Variants in ADARB1 observed in about 807,000 individuals in gnomAD.
ADARB1 encodes the protein double-stranded RNA-specific editase 1.
Under a neutral mutation model 52.4 loss-of-function variants are expected in ADARB1, and 10 were observed. The ratio of observed to expected loss-of-function variants is 0.19; its 90% CI spans 0.12 to 0.32. The LOEUF (loss-of-function observed/expected upper bound fraction) is 0.32. Among genes scored for constraint, ADARB1 ranks in the 10% least tolerant of loss-of-function variants. The pLI is 1.00. For missense variants in ADARB1, 643 were observed against 922.3 expected, an observed-to-expected ratio of 0.70 and a Z score of 3.92; for synonymous variants, 349 against 371.1, an observed-to-expected ratio of 0.94 and a Z score of 0.68.
intron 2 of ADARB1, chr21:45,146,271 C>T (rs1162484033): frequency 6.6e-6 from 1 of 152,334 alleles, no homozygotes; most frequent in East Asian, 1.9e-4. Flanking sequence ...CAAGTTGTTT[C>T]TTGAATATAC....
At chr21:45,209,183 T>A (rs937590825) in intron 9 of ADARB1, among the ~76,000 whole-genome samples, 5 of 152,226 alleles carry the variant, frequency 3.3e-5, no homozygotes, top group Non-Finnish European at 5.9e-5. Context: ...CCCATCCTCA[T>A]CTTCCTAGAT....
chr21:45,195,366 T>C (rs903688373), intron 8 of ADARB1, among the ~76,000 whole-genome samples: 4 of 152,226 alleles, frequency 2.6e-5, no homozygotes, highest in African/African-American at 9.6e-5. Flanking sequence ...GGCTTGTCTT[T>C]TCACTCCCTT....
intron 9 of ADARB1, among the ~76,000 whole-genome samples, chr21:45,210,729 C>T (rs941083775): frequency 6.6e-6 from 1 of 152,256 alleles, no homozygotes; most frequent in Non-Finnish European, 1.5e-5. Flanking sequence ...AGCTTGAACC[C>T]ACATCCCACC....
rs2093004339 is a variant in ADARB1, at chr21:45,223,655, G to A, written c.*1458G>A. 1 of 985,610 alleles carries A rather than the reference G, an allele frequency of 1.0e-6. No homozygotes were observed. Among genetic ancestry groups the A allele is most frequent in the South Asian group, 4.7e-5 (1 of 21,284 alleles). The allele number at this position is 985,610 out of a possible 1,614,324, so 61.1% of individuals were successfully genotyped here. A position where few individuals can be genotyped will look rare whatever the true frequency, so the allele number is the denominator to read the frequency against. ...ATACACCTGCCACAGCGAAATCCAG[G>A]GTGTTGGCACCTGTGTGTCCGTGAT... On this transcript the variant is annotated 3_prime_UTR_variant, in exon 11 of 11. Transcript: ENST00000348831.
At chr21:45,083,337 G>A (rs2086221888) in intron 1 of ADARB1, among the ~76,000 whole-genome samples, 1 of 152,140 alleles carries the variant, frequency 6.6e-6, no homozygotes, top group African/African-American at 2.4e-5. Flanking sequence ...TGGTGAATCA[G>A]TCATATATTT....
chr21:45,209,047 C>G (rs1257168481), intron 9 of ADARB1, among the ~76,000 whole-genome samples: 2 of 151,978 alleles, frequency 1.3e-5, no homozygotes, highest in Admixed American at 6.6e-5. Context: ...CAGTGGTTAC[C>G]CCAATTTTTT....
At chr21:45,146,562 G>A (rs2090018811) in intron 2 of ADARB1, among the ~76,000 whole-genome samples, 1 of 152,208 alleles carries the variant, frequency 6.6e-6, no homozygotes, top group South Asian at 2.1e-4. Flanking sequence ...CACGGATGTG[G>A]TGGATGTGGG....
chr21:45,168,792 AC>A (rs1286450996), intron 2 of ADARB1, among the ~76,000 whole-genome samples: 7 of 151,796 alleles, frequency 4.6e-5, no homozygotes, highest in African/African-American at 1.5e-4. Flanking sequence ...GAGAATTCTA[AC>A]ACCTGTGTCA....
chr21:45,126,903 G>A (rs969772569), intron 1 of ADARB1, among the ~76,000 whole-genome samples: 7 of 152,240 alleles, frequency 4.6e-5, no homozygotes, highest in Non-Finnish European at 8.8e-5. Flanking sequence ...TTCTTGGCCA[G>A]GCTTGCAGAG....
chr21:45,136,251 G>A (rs1173295599), intron 2 of ADARB1, among the ~76,000 whole-genome samples: 1 of 152,174 alleles, frequency 6.6e-6, no homozygotes, highest in Non-Finnish European at 1.5e-5. Context: ...GAATGAGTGA[G>A]GGACAGCAGG....
In ADARB1 at chr21:45,226,081, T is replaced by C. The variant is rs548923276; in HGVS notation, c.*3884T>C. On this transcript the variant is annotated 3_prime_UTR_variant, in exon 11 of 11. Coordinates refer to ENST00000348831, the MANE Select transcript of ADARB1 (RefSeq NM_001112.4). The stretch of plus-strand genomic sequence containing the variant: ...ACCATGACTTAGTTGTAAGGGTGTG[T>C]CGGCTTTTTCAGTCTCATGTGAAAA... 4 of 152,824 alleles carry C rather than the reference T, an allele frequency of 2.6e-5. No homozygotes were observed. The South Asian group carries it at 8.3e-4, about 32-fold the overall frequency. 9.5% of individuals were successfully genotyped at this position (152,824 alleles called of 1,614,324 possible). A position where few individuals can be genotyped will look rare whatever the true frequency, so the allele number is the denominator to read the frequency against.
chr21:45,125,231 T>A (rs1446861177), intron 1 of ADARB1, among the ~76,000 whole-genome samples: 2 of 152,248 alleles, frequency 1.3e-5, no homozygotes, highest in African/African-American at 2.4e-5. Flanking sequence ...TTGGTTTCTC[T>A]TGCCGCCTGA....
At chr21:45,084,232 A>T (rs774672255) in intron 1 of ADARB1, among the ~76,000 whole-genome samples, 11 of 152,244 alleles carry the variant, frequency 7.2e-5, no homozygotes, top group Non-Finnish European at 1.5e-4. Context: ...ATAATCATTC[A>T]TTCAGTTGTC....
Position 45,171,644 on chromosome 21 carries a change from A to C in ADARB1, c.-13A>C. ...GTCTCCGCCAGTCAAGAAACCCTCA[A>C]AAGTATTTTGCCATGGATATAGAAG... On this transcript the variant is annotated 5_prime_UTR_variant, in exon 3 of 11. Coordinates refer to ENST00000348831, the MANE Select transcript of ADARB1 (RefSeq NM_001112.4). 6.2e-7 allele frequency: 1 copy of C among 1,613,926 alleles called. No homozygotes were observed. Among genetic ancestry groups the C allele is most frequent in the Non-Finnish European group, 8.5e-7 (1 of 1,179,870 alleles).
intron 2 of ADARB1, among the ~76,000 whole-genome samples, chr21:45,144,356 T>A (rs2089902826): frequency 6.6e-6 from 1 of 152,208 alleles, no homozygotes. Flanking sequence ...ACCAGGAATG[T>A]CAGATGCTAA....
intron 2 of ADARB1, among the ~76,000 whole-genome samples, chr21:45,143,455 C>T (rs532080534): frequency 1.6e-4 from 24 of 152,336 alleles, no homozygotes; most frequent in Admixed American, 6.5e-4. Context: ...GGCCTGTGGG[C>T]GGTGCCTTCA....
At chr21:45,087,447 A>C (rs2086390460) in intron 1 of ADARB1, among the ~76,000 whole-genome samples, 1 of 152,190 alleles carries the variant, frequency 6.6e-6, no homozygotes, top group African/African-American at 2.4e-5. Flanking sequence ...GGGATGCAGG[A>C]AGACACACGC....
rs963720588 is a variant in ADARB1, at chr21:45,172,512, A to G, written c.28+828A>G. The stretch of plus-strand genomic sequence containing the variant: ...CACTTTCCCTTTGACTTTACGCACA[A>G]CCGATGATCTGGGGTCTTGGAGTCA... On this transcript the variant is annotated intron_variant, in intron 3 of 10. Transcript: ENST00000348831. The surrounding 1 kb of genome is among the most constrained non-coding windows in gnomAD (Gnocchi z 4.4). Among the ~76,000 whole-genome samples, 14 of 152,104 alleles carry G rather than the reference A, an allele frequency of 9.2e-5. No homozygotes were observed. Among genetic ancestry groups the G allele is most frequent in the African/African-American group, 2.7e-4 (11 of 41,410 alleles).
chr21:45,215,048 TTGC>T (rs997129591), intron 9 of ADARB1, among the ~76,000 whole-genome samples: 3 of 152,082 alleles, frequency 2.0e-5, no homozygotes, highest in African/African-American at 7.2e-5. Context: ...GGATTTTTTA[TTGC>T]TGTTTTTTGT....
Sources: gnomAD v4.1 joint callset for allele counts (sites outside exome capture counted in the v4.1 genomes callset) on GRCh38, gnomAD v4.1.1 for gene constraint, Gnocchi (gnomAD v3.1) non-coding constraint, MANE v1.5 for transcripts, NCBI Gene and HGNC (gene_info 2026-07-23, HGNC 2026-07-21) for gene names.